CSGALNACT1: variants seen among roughly 807,000 people sequenced by gnomAD.
CSGALNACT1 encodes chondroitin sulfate N-acetylgalactosaminyltransferase 1.
A neutral mutation model predicts 51.0 loss-of-function variants in CSGALNACT1; 52 were observed. That is an observed-to-expected ratio of 1.02 (90% CI 0.82 to 1.29). CSGALNACT1 has a LOEUF of 1.29. Ranked by LOEUF, CSGALNACT1 falls within the 50% of genes most tolerant of loss-of-function variation. The probability of loss-of-function intolerance (pLI) is 0.00; values close to 1 mark genes in which losing one functional copy is unlikely to be tolerated. For missense variants in CSGALNACT1, 935 were observed against 679.2 expected (o/e 1.38, Z -4.19); for synonymous variants, 341 against 254.4 (o/e 1.34, Z -3.24).
Position 19,652,388 on chromosome 8 carries a change from A to C in CSGALNACT1, c.-544+30085T>G, listed in dbSNP as rs56117335. ...TATGTGACAGTATATACAAATTCAAATATTCATGGACCATGACCATGGATG... is the reference window on the plus strand; with the variant it reads ...TATGTGACAGTATATACAAATTCAACTATTCATGGACCATGACCATGGATG... On this transcript the variant is annotated intron_variant, in intron 1 of 9. Transcript: ENST00000332246. 4.0e-3 allele frequency among the ~76,000 whole-genome samples: 609 copies of C among 152,326 alleles called. 3 individuals are homozygous for C. Among genetic ancestry groups the C allele is most frequent in the Non-Finnish European group, 6.4e-3 (436 of 68,032 alleles).
intron 1 of CSGALNACT1, among the ~76,000 whole-genome samples, chr8:19,631,759 C>T (rs74762788): frequency 0.013 from 1,936 of 152,278 alleles, 41 homozygotes; most frequent in African/African-American, 0.044. Context: ...CATAAAGGCA[C>T]TTTCTTTAGC....
intron 3 of CSGALNACT1, among the ~76,000 whole-genome samples, chr8:19,537,052 T>G (rs2083909027): frequency 6.6e-6 from 1 of 152,112 alleles, no homozygotes; most frequent in Non-Finnish European, 1.5e-5. Context: ...ACCTTAAAAA[T>G]CTGAGTTCCT....
rs1327636912 is a variant in CSGALNACT1, at chr8:19,461,836, G to A, written c.635-3194C>T. On this transcript the variant is annotated intron_variant, in intron 4 of 9. Transcript: ENST00000454498. ...AGCAGCCACATTAGCCATGGAGGGT[G>A]TATCTGCACAGCAGCCACATTCACC... Among the ~76,000 whole-genome samples the A allele has an allele frequency of 4.4e-4, 56 of 126,936 alleles. 11 individuals are homozygous for A. Among genetic ancestry groups the A allele is most frequent in the East Asian group, 6.2e-4 (3 of 4,874 alleles). The allele number at this position is 126,936 out of a possible 152,430, so 83.3% of individuals were successfully genotyped here.
chr8:19,695,407 T>C (rs969578658), intron 1 of CSGALNACT1, among the ~76,000 whole-genome samples: 3 of 152,176 alleles, frequency 2.0e-5, no homozygotes, highest in African/African-American at 7.2e-5. Context: ...CTGCCACTAA[T>C]TAGCTGTGCG....
At chr8:19,750,415 G>C (rs975589249) in intron 1 of CSGALNACT1, among the ~76,000 whole-genome samples, 13 of 152,284 alleles carry the variant, frequency 8.5e-5, no homozygotes, top group African/African-American at 2.9e-4. Flanking sequence ...CTGTCAGTAG[G>C]GGGCAGCGGG....
At chr8:19,634,753 T>C (rs1263009799) in intron 1 of CSGALNACT1, among the ~76,000 whole-genome samples, 1 of 152,098 alleles carries the variant, frequency 6.6e-6, no homozygotes. Flanking sequence ...TACAAGCCAA[T>C]AAGAGAGCCC....
chr8:19,693,469 C>A (rs112206042), intron 1 of CSGALNACT1, among the ~76,000 whole-genome samples: 1 of 152,052 alleles, frequency 6.6e-6, no homozygotes, highest in Non-Finnish European at 1.5e-5. Context: ...TTCTAAAGAT[C>A]TTTGTAACTA....
intron 1 of CSGALNACT1, among the ~76,000 whole-genome samples, chr8:19,653,619 T>G (rs917470446): frequency 3.3e-5 from 5 of 151,980 alleles, no homozygotes; most frequent in African/African-American, 1.2e-4. Context: ...CATGGTGAGA[T>G]CCCATTTCTA....
Position 19,456,972 on chromosome 8 carries a change from A to G in CSGALNACT1, c.851+1454T>C, listed in dbSNP as rs557907803. Among the ~76,000 whole-genome samples the G allele has an allele frequency of 3.9e-5, 6 of 152,342 alleles. No individual in the cohort carries two copies. In the East Asian group the frequency reaches 1.2e-3, roughly 29 times the overall value. ...TCCAGAGGCTAGAATTAGACCCACC[A>G]GGCAGAAAAGACATGGAAGCCGACT... is the stretch of plus-strand genomic sequence containing the variant. On this transcript the variant is annotated intron_variant, in intron 5 of 9. Transcript: ENST00000454498.
Position 19,656,613 on chromosome 8 carries a change from C to T in CSGALNACT1, c.-544+25860G>A, listed in dbSNP as rs1456567389. Among the ~76,000 whole-genome samples the T allele has an allele frequency of 5.1e-5, 5 of 97,288 alleles. No homozygotes were observed. In the South Asian group the frequency reaches 1.7e-3, roughly 32 times the overall value. 63.8% of individuals were successfully genotyped at this position (97,288 alleles called of 152,430 possible). On this transcript the variant is annotated intron_variant, in intron 1 of 9. Coordinates refer to the CSGALNACT1 transcript ENST00000332246. ...TACGCCCCCCCCCCACACACACACA[C>T]GAGATCAGCAAAGACTTCAAACATT... is the stretch of plus-strand genomic sequence containing the variant.
intron 1 of CSGALNACT1, among the ~76,000 whole-genome samples, chr8:19,664,974 T>A (rs2059071658): frequency 6.6e-6 from 1 of 152,174 alleles, no homozygotes; most frequent in African/African-American, 2.4e-5. Context: ...AGTACAGACT[T>A]ACCACTATGT....
intron 3 of CSGALNACT1, among the ~76,000 whole-genome samples, chr8:19,571,173 T>C (rs1429929675): frequency 6.6e-6 from 1 of 152,132 alleles, no homozygotes; most frequent in Non-Finnish European, 1.5e-5. Context: ...TTTTGCTATG[T>C]TGCCCAGGCT....
At chr8:19,586,570 G>T (rs77564950) in intron 3 of CSGALNACT1, among the ~76,000 whole-genome samples, 1 of 152,080 alleles carries the variant, frequency 6.6e-6, no homozygotes, top group African/African-American at 2.4e-5. Context: ...ATGGGCTTGA[G>T]CATCTGTAGA....
At chr8:19,493,986 C>T (rs1331110425) in intron 4 of CSGALNACT1, among the ~76,000 whole-genome samples, 2 of 151,970 alleles carry the variant, frequency 1.3e-5, no homozygotes, top group African/African-American at 4.8e-5. Flanking sequence ...TCCAAACCTG[C>T]CTCCAATGTA....
intron 1 of CSGALNACT1, among the ~76,000 whole-genome samples, chr8:19,704,206 C>G (rs2062033896): frequency 6.6e-6 from 1 of 152,206 alleles, no homozygotes; most frequent in South Asian, 2.1e-4. Flanking sequence ...AAACAAGGCA[C>G]TAAACGAATG....
chr8:19,633,794 T>C (rs540732809), intron 1 of CSGALNACT1, among the ~76,000 whole-genome samples: 2 of 152,346 alleles, frequency 1.3e-5, no homozygotes, highest in South Asian at 4.2e-4. Context: ...CCTGAGAAAC[T>C]GATACACATG....
chr8:19,583,885 T>C (rs148649233), intron 3 of CSGALNACT1, among the ~76,000 whole-genome samples: 9 of 152,180 alleles, frequency 5.9e-5, no homozygotes, highest in African/African-American at 9.7e-5. Context: ...TACTCATACT[T>C]TGGGTTTGAG....
At chr8:19,534,675 C>A (rs370828863) in intron 3 of CSGALNACT1, among the ~76,000 whole-genome samples, 14 of 152,002 alleles carry the variant, frequency 9.2e-5, no homozygotes, top group African/African-American at 3.4e-4. Context: ...AATCGAAAAC[C>A]GAATCAGAAA....
intron 1 of CSGALNACT1, among the ~76,000 whole-genome samples, chr8:19,697,628 C>A (rs2061650499): frequency 6.6e-6 from 1 of 152,134 alleles, no homozygotes; most frequent in African/African-American, 2.4e-5. Context: ...CAGAGCCCCC[C>A]TGTACAAGGT....
Sources: allele counts gnomAD v4.1 joint callset (sites outside exome capture counted in the v4.1 genomes callset), GRCh38; gene constraint gnomAD v4.1.1; transcripts MANE v1.5; gene names NCBI Gene and HGNC (gene_info 2026-07-23, HGNC 2026-07-21).